DHX34: variants seen among roughly 807,000 people sequenced by gnomAD.
DHX34 encodes the protein probable ATP-dependent RNA helicase DHX34.
A neutral mutation model predicts 111.1 loss-of-function variants in DHX34; 96 were observed. That is an observed-to-expected ratio of 0.86 (90% CI 0.73 to 1.02). The LOEUF (loss-of-function observed/expected upper bound fraction) is 1.02, where lower values mean the gene tolerates loss of function less well. Among genes scored for constraint, DHX34 ranks in the 50% least tolerant of loss-of-function variants. The pLI is 0.00. For missense variants in DHX34, 1,560 were observed against 1,579.9 expected (o/e 0.99, Z 0.21); for synonymous variants, 688 against 670.4 (o/e 1.03, Z -0.41).
In DHX34 at chr19:47,381,981, G is replaced by A. The variant is rs1970375741; in HGVS notation, c.3300G>A (p.Gly1100=). 1 of 1,614,084 alleles carries A rather than the reference G, an allele frequency of 6.2e-7. No homozygotes were observed. The highest frequency in any genetic ancestry group is 1.7e-5 in the Admixed American group (1 of 60,008). Residue 1100 remains glycine (G), a splice_region_variant and synonymous_variant, in exon 17 of 17, where the codon GGG becomes GGA. Coordinates refer to ENST00000328771, the MANE Select transcript of DHX34 (RefSeq NM_014681.6). Reference sequence around the variant, plus strand: ...AGCCTCCTCCTTTTCCTCCCTTAGGGGCTGAGGAAGCTGCCCTCGAAACCC... The same window carrying A: ...AGCCTCCTCCTTTTCCTCCCTTAGGAGCTGAGGAAGCTGCCCTCGAAACCC... ...CPQAPQDGPP[G]AEEAALETLQ...
chr19:47,355,601 C>T (rs975410338), intron 3 of DHX34, among the ~76,000 whole-genome samples: 1 of 152,150 alleles, frequency 6.6e-6, no homozygotes, highest in African/African-American at 2.4e-5. Context: ...GTAATCCCAG[C>T]ACTTTGGGAG....
chr19:47,353,902 A>G lies in DHX34; in HGVS notation c.705+167A>G, dbSNP rs1186102518. On this transcript the variant is annotated intron_variant, in intron 2 of 16. Transcript: ENST00000328771. This position sits in a 1 kb window ranked among gnomAD's most constrained non-coding sequence, Gnocchi z 4.6. ...TGGCTTGTCTGTGGTCTACATGACA[A>G]AGGAGCTAGCATTAACCAGTGTAGC... 1.3e-5 allele frequency among the ~76,000 whole-genome samples: 2 copies of G among 152,216 alleles called. No individual in the cohort carries two copies. Among genetic ancestry groups the G allele is most frequent in the Admixed American group, 1.3e-4 (2 of 15,282 alleles).
At chr19:47,367,817 G>A (rs889929201) in intron 7 of DHX34, among the ~76,000 whole-genome samples, 3 of 150,514 alleles carry the variant, frequency 2.0e-5, no homozygotes, top group Non-Finnish European at 4.4e-5. Flanking sequence ...GAACCTGGGA[G>A]GTAGAGGTTG....
chr19:47,368,452 A>G (rs1969862539), intron 7 of DHX34, among the ~76,000 whole-genome samples: 2 of 148,518 alleles, frequency 1.3e-5, no homozygotes, highest in African/African-American at 5.0e-5. Context: ...GATTACAGGC[A>G]TGCGCCACCA....
chr19:47,367,155 G>A lies in DHX34; in HGVS notation c.1768G>A (p.Gly590Arg). 3 of 1,517,212 alleles carry A rather than the reference G, an allele frequency of 2.0e-6. No homozygotes were observed. The highest frequency in any genetic ancestry group is 2.7e-6 in the Non-Finnish European group (3 of 1,128,682). 94.0% of individuals were successfully genotyped at this position (1,517,212 alleles called of 1,614,324 possible). ...LAQLPVDVVI[G>R]KMLILGSMFS... is the part of the protein sequence containing the mutation. ...CCAGCTGCCTGTGGACGTTGTGATT[G>A]GTGAGTACCCACCCCCCTCCTGATC... The change falls in exon 7 of 17, where the codon GGG (glycine) becomes AGG (arginine). Residue 590 changes from glycine (G) to arginine (R), a missense_variant and splice_region_variant. Gly to Arg is a moderately radical substitution (Grantham distance 125). Transcript: ENST00000328771.
rs1368709265 is a variant in DHX34, at chr19:47,369,998, C to T, written c.1769-2732C>T. Among the ~76,000 whole-genome samples, 8 of 152,198 alleles carry T rather than the reference C, an allele frequency of 5.3e-5. No homozygotes were observed. In the East Asian group the frequency reaches 1.5e-3, roughly 29 times the overall value. ...CCACGCTGTGTCATCAGGAATAGGGCGTTAATCTTGAGGGATTTGGGGCCA... is the reference window on the plus strand; with the variant it reads ...CCACGCTGTGTCATCAGGAATAGGGTGTTAATCTTGAGGGATTTGGGGCCA... On this transcript the variant is annotated intron_variant, in intron 7 of 16. Transcript: ENST00000328771.
At chr19:47,355,436 G>A in intron 3 of DHX34, 86 bp downstream of exon 3, 3 of 1,516,036 alleles carry the variant, frequency 2.0e-6, no homozygotes, top group Non-Finnish European at 1.8e-6. Context: ...CTCTGCTGCT[G>A]TATCTCCCAT....
rs557707230 is a variant in DHX34 at position 47,375,854 on chromosome 19, T to TG, written c.2308-65dup. 2,054 of 1,543,062 alleles carry TG rather than the reference T, an allele frequency of 1.3e-3. 10 individuals are homozygous for TG. Among genetic ancestry groups the TG allele is most frequent in the Non-Finnish European group, 8.5e-4 (979 of 1,149,334 alleles). On this transcript the variant is annotated intron_variant, in intron 10 of 16. Coordinates refer to ENST00000328771, the MANE Select transcript of DHX34 (RefSeq NM_014681.6). ...CTTGGTCCCAGGTATCTGCAGAGCC[T>TG]GGGGGTCTGCGGATCATGGTAGGAG...
chr19:47,381,305 C>T lies in DHX34; in HGVS notation c.3279C>T (p.Ala1093=), dbSNP rs756746283. The change falls in exon 16 of 17, where the codon GCC becomes GCT. Residue 1093 remains alanine, a synonymous_variant. Transcript: ENST00000328771. Reference sequence around the variant, plus strand: ...CCCATGAGAACACCTGCCCCCAGGCCCCACAGGATGGGCCCCCAGGTAAGC... The same window carrying T: ...CCCATGAGAACACCTGCCCCCAGGCTCCACAGGATGGGCCCCCAGGTAAGC... ...RIAHENTCPQ[A]PQDGPPGAEE... is the part of the protein sequence containing the mutation. 9 of 1,613,582 alleles carry T rather than the reference C, an allele frequency of 5.6e-6. No homozygotes were observed. Among genetic ancestry groups the T allele is most frequent in the Non-Finnish European group, 7.6e-6 (9 of 1,179,848 alleles).
chr19:47,372,394 T>C (rs1969991220), intron 7 of DHX34, among the ~76,000 whole-genome samples: 1 of 151,666 alleles, frequency 6.6e-6, no homozygotes, highest in South Asian at 2.1e-4. Flanking sequence ...CAGGGAAGCA[T>C]CAGAGCGCTG....
intron 5 of DHX34, among the ~76,000 whole-genome samples, chr19:47,361,613 T>C (rs1416703762): frequency 6.6e-6 from 1 of 151,926 alleles, no homozygotes; most frequent in Non-Finnish European, 1.5e-5. Context: ...ACCCCATCTC[T>C]ACTAAAAATA....
At chr19:47,381,383 A>G (rs747618313) in intron 16 of DHX34, 59 bp downstream of exon 16, 41 of 1,575,534 alleles carry the variant, frequency 2.6e-5, no homozygotes, top group Non-Finnish European at 3.4e-5. Context: ...CCATCCCATG[A>G]TGGTCTCCTG....
chr19:47,363,082 C>T (rs564200794), intron 6 of DHX34, among the ~76,000 whole-genome samples: 1 of 152,044 alleles, frequency 6.6e-6, no homozygotes, highest in South Asian at 2.1e-4. Context: ...TTCCTAGTAG[C>T]TGGGACTACA....
chr19:47,380,782 T>A (rs764975353), intron 14 of DHX34, 34 bp from the exon 15 acceptor site: 11 of 1,612,578 alleles, frequency 6.8e-6, no homozygotes, highest in East Asian at 2.2e-5. Context: ...TCCCTGAGTC[T>A]GTCTCTCTCC....
chr19:47,378,505 C>T (rs1970241785), intron 13 of DHX34, among the ~76,000 whole-genome samples: 1 of 152,290 alleles, frequency 6.6e-6, no homozygotes, highest in East Asian at 1.9e-4. Context: ...CGGAACAGAC[C>T]TGCTACCTGA....
At chr19:47,369,730 G>A (rs1466840562) in intron 7 of DHX34, among the ~76,000 whole-genome samples, 1 of 152,044 alleles carries the variant, frequency 6.6e-6, no homozygotes, top group African/African-American at 2.4e-5. Flanking sequence ...GGAGGGGAGG[G>A]GACAGCTGTC....
At chr19:47,364,210 C>T (rs538089907) in intron 6 of DHX34, among the ~76,000 whole-genome samples, 1 of 152,240 alleles carries the variant, frequency 6.6e-6, no homozygotes, top group South Asian at 2.1e-4. Context: ...GCAAATGGTG[C>T]ACTTGCCTTG....
rs935886052 is a variant in DHX34, at chr19:47,377,119, C to T, written c.2619C>T (p.Ser873=). 3 of 1,614,030 alleles carry T rather than the reference C, an allele frequency of 1.9e-6. No individual in the cohort carries two copies. Among genetic ancestry groups the T allele is most frequent in the Non-Finnish European group, 2.5e-6 (3 of 1,179,992 alleles). The part of the protein sequence containing the change: ...DGSRDDKDKM[S]SKHQLLSFVS... Reference sequence around the variant, plus strand: ...TTTCAGACGACAAGGACAAGATGAGCAGCAAACACCAGCTCCTCAGCTTCG... The same window carrying T: ...TTTCAGACGACAAGGACAAGATGAGTAGCAAACACCAGCTCCTCAGCTTCG... The change falls in exon 13 of 17, where the codon AGC becomes AGT. Residue 873 remains serine (S), a synonymous_variant. Coordinates refer to ENST00000328771, the MANE Select transcript of DHX34 (RefSeq NM_014681.6).
chr19:47,368,183 T>TGG lies in DHX34; in HGVS notation c.1768+1032_1768+1033dup, dbSNP rs1203118329. On this transcript the variant is annotated intron_variant, in intron 7 of 16. Coordinates refer to ENST00000328771, the MANE Select transcript of DHX34 (RefSeq NM_014681.6). ...GGGAACAGCCAGTACAGAGGCCCTG[T>TGG]GGGGGCACATGCCTGCTGCTACAGG... 1.6e-4 allele frequency among the ~76,000 whole-genome samples: 24 copies of TGG among 147,566 alleles called. 1 individual carries two copies. In the Admixed American group the frequency reaches 1.6e-3, roughly 10 times the overall value.
Sources: gnomAD v4.1 joint callset for allele counts (sites outside exome capture counted in the v4.1 genomes callset) on GRCh38, gnomAD v4.1.1 for gene constraint, Gnocchi (gnomAD v3.1) non-coding constraint, MANE v1.5 for transcripts, NCBI Gene and HGNC (gene_info 2026-07-23, HGNC 2026-07-21) for gene names.